MET: variants seen among roughly 807,000 people sequenced by gnomAD.
MET encodes hepatocyte growth factor receptor.
In MET, 48 loss-of-function variants were observed where a neutral mutation model predicts 133.1. That is an observed-to-expected ratio of 0.36 (90% CI 0.29 to 0.46). The LOEUF (loss-of-function observed/expected upper bound fraction) is 0.46. MET is among the 20% of genes least tolerant of loss of function. MET has a pLI of 1.00. For synonymous variants in MET, 628 were observed against 616.5 expected (o/e 1.02, Z -0.28); for missense variants, 1,442 against 1,695.9 (o/e 0.85, Z 2.63).
In MET at chr7:116,757,215, A is replaced by G. The variant is rs571122923; in HGVS notation, c.1863-222A>G. On this transcript the variant is annotated intron_variant, in intron 6 of 20. Coordinates refer to ENST00000397752, the MANE Select transcript of MET (RefSeq NM_000245.4). ...GCCACTGCCCTCCAGCCTGGGTGAC[A>G]GAGCAAGATCCTGTCTCTTTTTACA... 1.6e-4 allele frequency among the ~76,000 whole-genome samples: 24 copies of G among 152,324 alleles called. No homozygotes were observed. The East Asian group carries it at 4.6e-3, about 29-fold the overall frequency.
intron 1 of MET, among the ~76,000 whole-genome samples, chr7:116,685,273 G>A (rs902862430): frequency 2.6e-5 from 4 of 152,032 alleles, no homozygotes; most frequent in Admixed American, 1.3e-4. Flanking sequence ...TTTTCATGAT[G>A]TCTACATGCT....
Position 116,758,625 on chromosome 7 carries a change from G to A in MET, c.2264+5G>A, listed in dbSNP as rs745547523. 1.2e-6 allele frequency: 2 copies of A among 1,613,008 alleles called. No homozygotes were observed. The highest frequency in any genetic ancestry group is 1.7e-6 in the Non-Finnish European group (2 of 1,179,302). ...TCCAACCAAATCTTTTATTAGGTAA[G>A]TAGAAGCTTCTGATGGGTATAAGAA... On this transcript the variant is annotated splice_donor_5th_base_variant and intron_variant, in intron 9 of 20. Transcript: ENST00000397752.
intron 1 of MET, among the ~76,000 whole-genome samples, chr7:116,683,252 T>C (rs1796427955): frequency 1.3e-5 from 2 of 152,204 alleles, no homozygotes; most frequent in African/African-American, 4.8e-5. Flanking sequence ...GTTGTTCCTT[T>C]CTTTGTGTTC....
chr7:116,712,688 C>T (rs1792043771), intron 2 of MET, among the ~76,000 whole-genome samples: 1 of 151,810 alleles, frequency 6.6e-6, no homozygotes, highest in South Asian at 2.1e-4. Flanking sequence ...TTACCTATGC[C>T]CCTCCCGTCC....
chr7:116,703,089 A>T (rs989194073), intron 2 of MET, among the ~76,000 whole-genome samples: 1 of 152,176 alleles, frequency 6.6e-6, no homozygotes, highest in African/African-American at 2.4e-5. Context: ...AGTACTCGTC[A>T]TCTTCACCCA....
In MET at chr7:116,731,786, C is replaced by T. The variant is rs2116782555; in HGVS notation, c.1319C>T (p.Thr440Ile). The T allele has an allele frequency of 1.2e-6, 2 of 1,614,128 alleles. No homozygotes were observed. Among genetic ancestry groups the T allele is most frequent in the Non-Finnish European group, 8.5e-7 (1 of 1,179,990 alleles). Reference protein sequence around the residue: ...FMGQFSEVLLTSISTFIKGDL... With the variant: ...FMGQFSEVLLISISTFIKGDL... The stretch of plus-strand genomic sequence containing the variant: ...GGTCAATTCAGCGAAGTCCTCTTAA[C>T]ATCTATATCCACCTTCATTAAAGGA... The change falls in exon 3 of 21, where the codon ACA becomes ATA. Residue 440 changes from threonine (T) to isoleucine (I), a missense_variant. Physicochemically the swap from Thr to Ile is moderately conservative, Grantham distance 89 (BLOSUM62 -1). Coordinates refer to ENST00000397752, the MANE Select transcript of MET (RefSeq NM_000245.4).
intron 1 of MET, among the ~76,000 whole-genome samples, chr7:116,687,353 T>C (rs1465075762): frequency 6.6e-6 from 1 of 152,260 alleles, no homozygotes; most frequent in African/African-American, 2.4e-5. Flanking sequence ...CTATCCTAGT[T>C]TTATGAGAAT....
chr7:116,712,842 G>A (rs372624042), intron 2 of MET, among the ~76,000 whole-genome samples: 2 of 152,124 alleles, frequency 1.3e-5, no homozygotes, highest in South Asian at 4.1e-4. Flanking sequence ...ATCGAAATTT[G>A]GAACTCAGAA....
intron 1 of MET, among the ~76,000 whole-genome samples, chr7:116,688,837 T>C (rs1015642082): frequency 6.6e-6 from 1 of 152,198 alleles, no homozygotes; most frequent in Non-Finnish European, 1.5e-5. Context: ...TTTTCAACTT[T>C]TTAAATGATT....
intron 1 of MET, among the ~76,000 whole-genome samples, chr7:116,698,529 TA>T (rs1254090807): frequency 6.6e-6 from 1 of 152,220 alleles, no homozygotes; most frequent in Non-Finnish European, 1.5e-5. Context: ...CATGTGATCA[TA>T]TTGCTTCTAG....
Position 116,740,970 on chromosome 7 carries a change from A to G in MET, c.1646A>G (p.Glu549Gly), listed in dbSNP as rs1160821810. ...TGCCACGACAAATGTGTGCGATCGG[A>G]GGAATGCCTGAGCGGGACATGGACT... ...GWCHDKCVRS[E>G]ECLSGTWTQQ... The change falls in exon 5 of 21, where the codon GAG (glutamate) becomes GGG (glycine). Residue 549 changes from glutamate (E) to glycine (G), a missense_variant. Coordinates refer to ENST00000397752, the MANE Select transcript of MET (RefSeq NM_000245.4). 6.2e-7 allele frequency: 1 copy of G among 1,613,390 alleles called. No homozygotes were observed. Among genetic ancestry groups the G allele is most frequent in the South Asian group, 1.1e-5 (1 of 91,038 alleles).
At chr7:116,708,066 G>A (rs2116644101) in intron 2 of MET, among the ~76,000 whole-genome samples, 1 of 152,182 alleles carries the variant, frequency 6.6e-6, no homozygotes, top group African/African-American at 2.4e-5. Flanking sequence ...TATTACAATG[G>A]AGAATGAGCT....
chr7:116,700,327 A>G lies in MET; in HGVS notation c.1200+43A>G, dbSNP rs200157445. 4.1e-5 allele frequency: 64 copies of G among 1,578,178 alleles called. No homozygotes were observed. The highest frequency in any genetic ancestry group is 5.8e-5 in the South Asian group (5 of 86,202). On this transcript the variant is annotated intron_variant, in intron 2 of 20. Transcript: ENST00000397752. Reference sequence around the variant, plus strand: ...CCCACTTATAAACTGTGAGGTATAAATTAGAAATAAGTATCAGTCTCAAAA... The same window carrying G: ...CCCACTTATAAACTGTGAGGTATAAGTTAGAAATAAGTATCAGTCTCAAAA...
At chr7:116,717,014 G>T (rs1562893884) in intron 2 of MET, among the ~76,000 whole-genome samples, 1 of 152,208 alleles carries the variant, frequency 6.6e-6, no homozygotes, top group Non-Finnish European at 1.5e-5. Context: ...TGAAGCCATA[G>T]GGCAGGATTA....
chr7:116,794,798 C>T (rs151218135), intron 19 of MET, among the ~76,000 whole-genome samples: 11 of 152,320 alleles, frequency 7.2e-5, no homozygotes, highest in East Asian at 1.9e-4. Flanking sequence ...TGACTCTCCT[C>T]GTGTCATTCT....
At position 116,759,303 on chromosome 7, in the gene MET, G is replaced by C. The variant is rs773246977; in HGVS notation, c.2265-88G>C. The C allele has an allele frequency of 3.2e-6, 5 of 1,552,706 alleles. No homozygotes were observed. The African/African-American group carries it at 4.1e-5, about 13-fold the overall frequency. The stretch of plus-strand genomic sequence containing the variant: ...TGACTGTGCCTCTGACCTGTAATCA[G>C]TGCAGGTGATTAAATTGAATCCCTC... On this transcript the variant is annotated intron_variant, in intron 9 of 20. Coordinates refer to ENST00000397752, the MANE Select transcript of MET (RefSeq NM_000245.4).
At position 116,783,364 on chromosome 7, in the gene MET, T is replaced by C; in HGVS notation, c.3693T>C (p.Asp1231=). The part of the protein sequence containing the change: ...ADFGLARDMY[D]KEYYSVHNKT... ...TTGGTCTTGCCAGAGACATGTATGA[T>C]AAAGAATACTATAGTGTACACAACA... The change falls in exon 19 of 21, where the codon GAT becomes GAC. Residue 1231 remains aspartate, a synonymous_variant. Transcript: ENST00000397752. 1 of 1,614,148 alleles carries C rather than the reference T, an allele frequency of 6.2e-7. No individual in the cohort carries two copies. The highest frequency in any genetic ancestry group is 8.5e-7 in the Non-Finnish European group (1 of 1,180,024).
chr7:116,768,559 A>T (rs1359579263), intron 11 of MET, among the ~76,000 whole-genome samples: 1 of 152,222 alleles, frequency 6.6e-6, no homozygotes, highest in Non-Finnish European at 1.5e-5. Context: ...GTTATAAAGA[A>T]GTATTTTCTT....
At chr7:116,673,384 C>T (rs986499245) in intron 1 of MET, among the ~76,000 whole-genome samples, 9 of 152,098 alleles carry the variant, frequency 5.9e-5, no homozygotes, top group African/African-American at 2.2e-4. Context: ...TCAAAGGAGC[C>T]CTCGGGCAGA....
Sources: gnomAD v4.1 joint callset for allele counts (sites outside exome capture counted in the v4.1 genomes callset) on GRCh38, gnomAD v4.1.1 for gene constraint, MANE v1.5 for transcripts, NCBI Gene and HGNC (gene_info 2026-07-23, HGNC 2026-07-21) for gene names.